The following MYOM1 variants were observed in gnomAD, a reference collection of about 807,000 sequenced individuals.
MYOM1 encodes the protein myomesin 1.
A neutral mutation model predicts 205.3 loss-of-function variants in MYOM1; 164 were observed. The observed-to-expected ratio is 0.80, with a 90% CI of 0.70 to 0.91. MYOM1 has a LOEUF of 0.91. MYOM1 is among the 40% of genes least tolerant of loss of function. The probability of loss-of-function intolerance (pLI) is 0.00; values close to 1 mark genes in which losing one functional copy is unlikely to be tolerated. For synonymous variants in MYOM1, 772 were observed against 789.4 expected (o/e 0.98, Z 0.37); for missense variants, 2,011 against 2,127.3 (o/e 0.95, Z 1.08).
intron 2 of MYOM1, among the ~76,000 whole-genome samples, chr18:3,199,076 G>A (rs1243320337): frequency 6.6e-6 from 1 of 152,270 alleles, no homozygotes; most frequent in Middle Eastern, 3.4e-3. Context: ...TGAACTTCAC[G>A]TATGAGCAGG....
At chr18:3,120,884 TA>T (rs1181249298) in intron 19 of MYOM1, among the ~76,000 whole-genome samples, 3 of 151,990 alleles carry the variant, frequency 2.0e-5, no homozygotes, top group Non-Finnish European at 4.4e-5. Flanking sequence ...ATTTGCAAAA[TA>T]GAAGTGATGG....
At chr18:3,121,983 G>C (rs1475694975) in intron 19 of MYOM1, among the ~76,000 whole-genome samples, 4 of 152,250 alleles carry the variant, frequency 2.6e-5, no homozygotes, top group South Asian at 2.1e-4. Context: ...GCCAGGCGTG[G>C]TGGCACATGC....
At chr18:3,119,416 T>TG (rs1321345756) in intron 20 of MYOM1, among the ~76,000 whole-genome samples, 2 of 152,140 alleles carry the variant, frequency 1.3e-5, no homozygotes, top group African/African-American at 4.8e-5. Flanking sequence ...GGAGAGATTT[T>TG]GGGGGGCTAA....
Position 3,086,250 on chromosome 18 carries a change from T to C in MYOM1, c.4138-99A>G, listed in dbSNP as rs539538504. The stretch of plus-strand genomic sequence containing the variant: ...CAGCAAGATATAAAAGAAAAAGCAC[T>C]GAACGTGGAGTGAGAAGACACAGAT... On this transcript the variant is annotated intron_variant, in intron 29 of 37. Transcript: ENST00000356443. 55 of 608,434 alleles carry C rather than the reference T, an allele frequency of 9.0e-5. 2 individuals are homozygous for C. The South Asian group carries it at 1.7e-3, about 18-fold the overall frequency. The allele number at this position is 608,434 out of a possible 1,614,324, so 37.7% of individuals were successfully genotyped here. A position where few individuals can be genotyped will look rare whatever the true frequency, so the allele number is the denominator to read the frequency against.
At chr18:3,239,113 T>A in the MYOM1 span, among the ~76,000 whole-genome samples, 1 of 152,238 alleles carries the variant, frequency 6.6e-6, no homozygotes, top group Non-Finnish European at 1.5e-5. Flanking sequence ...GGGTCCTTAG[T>A]CTGCTTATAC....
chr18:3,208,215 A>C (rs2081149455), intron 2 of MYOM1, among the ~76,000 whole-genome samples: 1 of 152,172 alleles, frequency 6.6e-6, no homozygotes, highest in African/African-American at 2.4e-5. Flanking sequence ...GGGATTCAGA[A>C]CATAATGCAA....
intron 2 of MYOM1, among the ~76,000 whole-genome samples, chr18:3,210,036 C>A (rs180991229): frequency 6.6e-6 from 1 of 152,316 alleles, no homozygotes; most frequent in African/African-American, 2.4e-5. Context: ...CACTCAACAT[C>A]TTACATGATT....
Position 3,187,659 on chromosome 18 carries a change from C to G in MYOM1, c.772-22G>C, listed in dbSNP as rs760283392. On this transcript the variant is annotated intron_variant, in intron 4 of 37. Coordinates refer to ENST00000356443, the MANE Select transcript of MYOM1 (RefSeq NM_003803.4). ...CTAACTGAAAAAACAAATATGCAAA[C>G]AAACATATTACCAAAATACCAATAA... is the stretch of plus-strand genomic sequence containing the variant. The G allele has an allele frequency of 1.5e-5, 24 of 1,559,964 alleles. No homozygotes were observed. The South Asian group carries it at 2.8e-4, about 18-fold the overall frequency.
rs150240843 is a variant in MYOM1 at position 3,098,303 on chromosome 18, A to G, written c.3727+1856T>C. On this transcript the variant is annotated intron_variant, in intron 25 of 37. Coordinates refer to ENST00000356443, the MANE Select transcript of MYOM1 (RefSeq NM_003803.4). ...TATTTATTTTTATTTTTTGAGATGG[A>G]GTCTTGCTCTGTCACCCAGGCTGGA... Among the ~76,000 whole-genome samples the G allele has an allele frequency of 6.9e-3, 1,052 of 152,020 alleles. 4 individuals carry two copies. The highest frequency in any genetic ancestry group is 0.01 in the Middle Eastern group (3 of 294).
the MYOM1 span, among the ~76,000 whole-genome samples, chr18:3,239,756 C>CAAAA: frequency 3.1e-4 from 13 of 42,212 alleles, no homozygotes; most frequent in African/African-American, 5.8e-4. Flanking sequence ...CACCTTGTCT[C>CAAAA]AAAAAAAAAA....
intron 8 of MYOM1, among the ~76,000 whole-genome samples, chr18:3,173,128 A>G (rs1044966620): frequency 2.6e-5 from 4 of 152,238 alleles, no homozygotes; most frequent in Non-Finnish European, 5.9e-5. Context: ...TATTTCAACA[A>G]CCATAAAGAT....
rs567859573 is a variant in MYOM1, at chr18:3,126,446, G to A, written c.2991+255C>T. ...AAAAAAATTAGTTTGTACAGTAAGC[G>A]CACATTTCATAGTAAATATTCTAGG... On this transcript the variant is annotated intron_variant, in intron 19 of 37. Transcript: ENST00000356443. 5.3e-5 allele frequency among the ~76,000 whole-genome samples: 8 copies of A among 151,900 alleles called. No individual in the cohort carries two copies. The South Asian group carries it at 6.2e-4, about 12-fold the overall frequency.
chr18:3,151,940 T>C (rs1343961096), intron 11 of MYOM1, 47 bp from the exon 12 acceptor site: 1 of 1,564,484 alleles, frequency 6.4e-7, no homozygotes, highest in South Asian at 1.1e-5. Flanking sequence ...GAAGTATGGC[T>C]TAATGAATAT....
intron 16 of MYOM1, among the ~76,000 whole-genome samples, chr18:3,132,907 G>T (rs2143897107): frequency 6.6e-6 from 1 of 152,210 alleles, no homozygotes; most frequent in Non-Finnish European, 1.5e-5. Context: ...GCAGCCAGAG[G>T]AAATAACAGG....
intron 17 of MYOM1, 94 bp from the exon 18 acceptor site, chr18:3,129,613 A>G (rs1365769675): frequency 3.5e-5 from 46 of 1,325,764 alleles, no homozygotes; most frequent in Non-Finnish European, 4.6e-5. Context: ...CATTAGGACC[A>G]CAAGCAGAAC....
intron 22 of MYOM1, among the ~76,000 whole-genome samples, chr18:3,108,889 A>G (rs542583835): frequency 2.0e-5 from 3 of 152,124 alleles, no homozygotes; most frequent in Non-Finnish European, 4.4e-5. Flanking sequence ...CCCACCAGGT[A>G]GTGCCTTGTG....
intron 2 of MYOM1, among the ~76,000 whole-genome samples, chr18:3,201,012 G>C (rs531787614): frequency 2.0e-5 from 3 of 152,140 alleles, no homozygotes; most frequent in Admixed American, 2.0e-4. Flanking sequence ...TTTACACACA[G>C]GGGAACAATA....
At chr18:3,082,649 T>C (rs8091959) in intron 33 of MYOM1, among the ~76,000 whole-genome samples, 137,939 of 152,208 alleles carry the variant, frequency 0.91, 62,631 homozygotes, top group Middle Eastern at 0.95. Context: ...TACATTCCAT[T>C]GGATTATCTT....
At chr18:3,144,811 C>T (rs559292695) in intron 13 of MYOM1, among the ~76,000 whole-genome samples, 1 of 152,152 alleles carries the variant, frequency 6.6e-6, no homozygotes, top group African/African-American at 2.4e-5. Context: ...AATAACATCC[C>T]AAAATACATG....
Sources: allele counts gnomAD v4.1 joint callset (sites outside exome capture counted in the v4.1 genomes callset), GRCh38; gene constraint gnomAD v4.1.1; transcripts MANE v1.5; gene names NCBI Gene and HGNC (gene_info 2026-07-23, HGNC 2026-07-21).